The following PRKCE variants were observed in gnomAD, a reference collection of about 807,000 sequenced individuals.
The protein encoded by PRKCE is protein kinase C epsilon type.
A neutral mutation model predicts 85.4 loss-of-function variants in PRKCE; 16 were observed. The observed-to-expected ratio is 0.19, with a 90% CI of 0.13 to 0.28. The LOEUF is 0.28. PRKCE is among the 10% of genes least tolerant of loss of function. PRKCE has a pLI of 1.00. For synonymous variants in PRKCE, 388 were observed against 371.5 expected (o/e 1.04, Z -0.51); for missense variants, 573 against 975.2 (o/e 0.59, Z 5.49).
intron 1 of PRKCE, among the ~76,000 whole-genome samples, chr2:45,748,225 G>T (rs546645423): frequency 6.6e-6 from 1 of 152,134 alleles, no homozygotes; most frequent in South Asian, 2.1e-4. Context: ...CATGCAAAGC[G>T]CACAACTACC....
At chr2:45,933,899 G>A (rs1475362036) in intron 2 of PRKCE, among the ~76,000 whole-genome samples, 1 of 152,170 alleles carries the variant, frequency 6.6e-6, no homozygotes, top group African/African-American at 2.4e-5. Context: ...AGGGTCGGGG[G>A]ACTAGTGGAA....
At chr2:46,078,786 G>C (rs897798518) in intron 10 of PRKCE, 1 of 152,212 alleles carries the variant, frequency 6.6e-6, no homozygotes, top group African/African-American at 2.4e-5. Flanking sequence ...CATTGTTCAA[G>C]ATTTTACTCA....
chr2:45,883,163 T>G (rs1335512737), intron 2 of PRKCE, among the ~76,000 whole-genome samples: 2 of 152,272 alleles, frequency 1.3e-5, no homozygotes, highest in Non-Finnish European at 2.9e-5. Context: ...TCATTCTGTG[T>G]GTTCACTGCA....
At chr2:45,661,012 C>T (rs150455656) in intron 1 of PRKCE, among the ~76,000 whole-genome samples, 232 of 152,276 alleles carry the variant, frequency 1.5e-3, no homozygotes, top group Non-Finnish European at 1.2e-3. Flanking sequence ...AACCCAGATG[C>T]TGAAATGAGG....
intron 1 of PRKCE, among the ~76,000 whole-genome samples, chr2:45,780,567 G>A (rs1191958924): frequency 6.6e-6 from 1 of 152,226 alleles, no homozygotes; most frequent in Admixed American, 6.5e-5. Flanking sequence ...CATCTCACTG[G>A]CCTCCCCAAG....
At chr2:46,077,755 T>A (rs879269961) in intron 10 of PRKCE, among the ~76,000 whole-genome samples, 10 of 152,216 alleles carry the variant, frequency 6.6e-5, no homozygotes, top group African/African-American at 2.4e-4. Context: ...TCATTCTGTA[T>A]GAATTGACAG....
chr2:46,182,461 G>A (rs549915857), intron 14 of PRKCE, among the ~76,000 whole-genome samples: 1 of 152,292 alleles, frequency 6.6e-6, no homozygotes, highest in South Asian at 2.1e-4. Context: ...CCTCCTGGCA[G>A]AGGTGACCAA....
intron 10 of PRKCE, among the ~76,000 whole-genome samples, chr2:46,036,755 C>T (rs1707889205): frequency 6.6e-6 from 1 of 152,136 alleles, no homozygotes; most frequent in Non-Finnish European, 1.5e-5. Flanking sequence ...ATGAGAAGGA[C>T]ACTGCAAGCC....
chr2:46,042,381 A>C (rs1450288059), intron 10 of PRKCE, among the ~76,000 whole-genome samples: 1 of 152,246 alleles, frequency 6.6e-6, no homozygotes, highest in African/African-American at 2.4e-5. Flanking sequence ...TGCCTGGGTC[A>C]GTTGGAGTTT....
At chr2:46,023,384 T>TA (rs1451110659) in intron 10 of PRKCE, among the ~76,000 whole-genome samples, 1 of 152,238 alleles carries the variant, frequency 6.6e-6, no homozygotes, top group Non-Finnish European at 1.5e-5. Flanking sequence ...AAGTGCCTGT[T>TA]CAGGAGGGCA....
chr2:45,977,673 C>T (rs1299708279), intron 3 of PRKCE, among the ~76,000 whole-genome samples: 1 of 151,478 alleles, frequency 6.6e-6, no homozygotes, highest in Non-Finnish European at 1.5e-5. Context: ...AGGAGAGGGG[C>T]TGAGATAAAG....
intron 2 of PRKCE, 67 bp downstream of exon 2, chr2:45,843,130 TC>T (rs3214783): frequency 8.9e-6 from 12 of 1,341,484 alleles, no homozygotes; most frequent in Non-Finnish European, 1.3e-5. Context: ...GTCTCTTCTT[TC>T]CCCCCCTTGG....
intron 2 of PRKCE, among the ~76,000 whole-genome samples, chr2:45,861,940 A>C (rs1273122627): frequency 6.6e-6 from 1 of 152,214 alleles, no homozygotes; most frequent in Non-Finnish European, 1.5e-5. Context: ...TAGTAGCTAT[A>C]CTGTGATCCC....
intron 1 of PRKCE, among the ~76,000 whole-genome samples, chr2:45,655,116 T>C (rs2103692010): frequency 6.6e-6 from 1 of 152,328 alleles, no homozygotes; most frequent in South Asian, 2.1e-4. Flanking sequence ...CTGGAGTTCC[T>C]GTTTTGTGCT....
chr2:45,914,732 A>G (rs2103863786), intron 2 of PRKCE, among the ~76,000 whole-genome samples: 1 of 152,316 alleles, frequency 6.6e-6, no homozygotes, highest in African/African-American at 2.4e-5. Flanking sequence ...CATTGATGGC[A>G]AGTTAATCAA....
intron 2 of PRKCE, among the ~76,000 whole-genome samples, chr2:45,963,738 C>A (rs940720754): frequency 6.6e-6 from 1 of 152,180 alleles, no homozygotes; most frequent in East Asian, 1.9e-4. Flanking sequence ...ATCAGAATAC[C>A]CACCTGGTCA....
intron 10 of PRKCE, among the ~76,000 whole-genome samples, chr2:46,066,376 C>G (rs886366589): frequency 2.6e-5 from 4 of 152,064 alleles, no homozygotes; most frequent in African/African-American, 9.7e-5. Flanking sequence ...TCCTTTCTTT[C>G]CCTCCGAATT....
chr2:46,181,304 C>T (rs1158706405), intron 14 of PRKCE, among the ~76,000 whole-genome samples: 3 of 152,174 alleles, frequency 2.0e-5, no homozygotes, highest in Non-Finnish European at 4.4e-5. Flanking sequence ...AGAGATTGCA[C>T]ATAGTGGGGA....
intron 1 of PRKCE, among the ~76,000 whole-genome samples, chr2:45,653,310 C>T (rs942801029): frequency 6.7e-6 from 1 of 148,828 alleles, no homozygotes; most frequent in African/African-American, 2.5e-5. Flanking sequence ...CCAGTCTTGG[C>T]ACTTGGACAA....
Sources: allele counts gnomAD v4.1 joint callset (sites outside exome capture counted in the v4.1 genomes callset), GRCh38; gene constraint gnomAD v4.1.1; transcripts MANE v1.5; gene names NCBI Gene and HGNC (gene_info 2026-07-23, HGNC 2026-07-21).